Variants in POU6F2 observed in about 807,000 individuals in gnomAD.
The protein encoded by POU6F2 is POU class 6 homeobox 2.
POU6F2 carries 31 observed loss-of-function variants against 71.3 expected under a neutral mutation model. The ratio of observed to expected loss-of-function variants is 0.43; its 90% confidence interval spans 0.33 to 0.59. POU6F2 has a LOEUF of 0.59. Ranked by LOEUF, POU6F2 falls within the 20% of genes least tolerant of loss-of-function variation. The pLI, the probability that POU6F2 is intolerant of heterozygous loss-of-function variation, is 0.04. For synonymous variants in POU6F2, 347 were observed against 355.7 expected, an observed-to-expected ratio of 0.98 and a Z score of 0.27; for missense variants, 783 against 856.8, an observed-to-expected ratio of 0.91 and a Z score of 1.07.
intron 7 of POU6F2, among the ~76,000 whole-genome samples, chr7:39,446,484 A>G (rs965318954): frequency 6.6e-6 from 1 of 152,246 alleles, no homozygotes; most frequent in African/African-American, 2.4e-5. Flanking sequence ...TTTAATTAGA[A>G]GATGATTTAT....
At chr7:39,360,709 G>A (rs1786367613) in intron 5 of POU6F2, among the ~76,000 whole-genome samples, 1 of 152,154 alleles carries the variant, frequency 6.6e-6, no homozygotes, top group Non-Finnish European at 1.5e-5. Flanking sequence ...GAGCCCCGAG[G>A]GCTGCTGGTT....
At chr7:39,121,633 T>A (rs1792044297) in intron 2 of POU6F2, among the ~76,000 whole-genome samples, 1 of 152,234 alleles carries the variant, frequency 6.6e-6, no homozygotes, top group African/African-American at 2.4e-5. Flanking sequence ...AATTTGTATA[T>A]CTACCTAGGA....
intron 3 of POU6F2, among the ~76,000 whole-genome samples, chr7:39,204,959 A>T (rs1391837005): frequency 7.0e-6 from 1 of 142,600 alleles, no homozygotes; most frequent in Admixed American, 7.3e-5. Context: ...TTCAGAGTTC[A>T]TCCTGCTTTT....
intron 2 of POU6F2, among the ~76,000 whole-genome samples, chr7:39,180,182 G>A (rs1793409726): frequency 6.6e-6 from 1 of 152,120 alleles, no homozygotes; most frequent in African/African-American, 2.4e-5. Context: ...AGAGACAGAA[G>A]CAAATACGCC....
intron 1 of POU6F2, 174 bp from the exon 2 acceptor site, chr7:39,085,686 C>T (rs369729075): frequency 1.6e-6 from 1 of 637,922 alleles, no homozygotes. Context: ...TAGCTCTTCA[C>T]TTGACTGCAG....
chr7:39,185,923 A>G (rs1414105353), intron 2 of POU6F2, among the ~76,000 whole-genome samples: 1 of 148,576 alleles, frequency 6.7e-6, no homozygotes, highest in Non-Finnish European at 1.5e-5. Flanking sequence ...ATGTATATGT[A>G]TATTTGAGAT....
chr7:39,333,117 C>T (rs1373864549), intron 4 of POU6F2, among the ~76,000 whole-genome samples: 1 of 152,156 alleles, frequency 6.6e-6, no homozygotes, highest in East Asian at 1.9e-4. Flanking sequence ...CCCCCGCCCC[C>T]AACACTTTGC....
intron 4 of POU6F2, among the ~76,000 whole-genome samples, chr7:39,274,213 G>A (rs1784392801): frequency 6.6e-6 from 1 of 151,888 alleles, no homozygotes; most frequent in South Asian, 2.1e-4. Context: ...AATGATAAAG[G>A]GGATATCACC....
At chr7:39,304,984 C>T (rs1785023226) in intron 4 of POU6F2, among the ~76,000 whole-genome samples, 3 of 152,214 alleles carry the variant, frequency 2.0e-5, no homozygotes, top group Non-Finnish European at 2.9e-5. Context: ...TACCTTCAGG[C>T]TAATGCCTGC....
intron 1 of POU6F2, among the ~76,000 whole-genome samples, chr7:39,022,085 T>C (rs1412014203): frequency 6.6e-6 from 1 of 152,088 alleles, no homozygotes; most frequent in Non-Finnish European, 1.5e-5. Flanking sequence ...TGTGACTTTC[T>C]TTGGCTCAGG....
chr7:39,365,179 A>G (rs929055882), intron 5 of POU6F2, among the ~76,000 whole-genome samples: 2 of 152,228 alleles, frequency 1.3e-5, no homozygotes, highest in Non-Finnish European at 2.9e-5. Flanking sequence ...TACTGGTATA[A>G]AAACAGGCAC....
chr7:39,077,410 C>G (rs943036556), intron 1 of POU6F2, among the ~76,000 whole-genome samples: 1 of 152,216 alleles, frequency 6.6e-6, no homozygotes, highest in Non-Finnish European at 1.5e-5. Flanking sequence ...CTGGCAAACT[C>G]CTGTCTGATT....
At chr7:39,181,366 G>A (rs962064663) in intron 2 of POU6F2, among the ~76,000 whole-genome samples, 2 of 152,056 alleles carry the variant, frequency 1.3e-5, no homozygotes, top group Non-Finnish European at 2.9e-5. Flanking sequence ...CTGTGGATAC[G>A]TACTCTCATT....
chr7:39,333,824 C>T (rs182402713), intron 4 of POU6F2, among the ~76,000 whole-genome samples: 52 of 152,278 alleles, frequency 3.4e-4, no homozygotes, highest in Non-Finnish European at 5.1e-4. Flanking sequence ...AGGGAAAAGT[C>T]GCACCCTCCC....
At chr7:39,107,039 CT>C (rs70977458) in intron 2 of POU6F2, among the ~76,000 whole-genome samples, 36,195 of 130,654 alleles carry the variant, frequency 0.28, 3,279 homozygotes, top group East Asian at 0.5. Flanking sequence ...TTCTTTCTTT[CT>C]TTTTTTTTTT....
chr7:39,274,112 T>C (rs963575290), intron 4 of POU6F2, among the ~76,000 whole-genome samples: 1 of 152,110 alleles, frequency 6.6e-6, no homozygotes, highest in Non-Finnish European at 1.5e-5. Flanking sequence ...AACATTTAAT[T>C]TGAACCAGTC....
In POU6F2 at chr7:39,468,541, A is replaced by C. The variant is rs1358880543; in HGVS notation, c.*3855A>C. The C allele has an allele frequency of 6.6e-6, 1 of 152,168 alleles. No individual in the cohort carries two copies. Among genetic ancestry groups the C allele is most frequent in the Non-Finnish European group, 1.5e-5 (1 of 68,016 alleles). 9.4% of individuals were successfully genotyped at this position (152,168 alleles called of 1,614,324 possible). On this transcript the variant is annotated 3_prime_UTR_variant, in exon 10 of 10. Coordinates refer to ENST00000518318, the MANE Select transcript of POU6F2 (RefSeq NM_001370959.1). Reference sequence around the variant, plus strand: ...AAAGCTGCACTTTGTGTATTTCTTAACAGCTTCAGATCTGTCACTTTTAAT... The same window carrying C: ...AAAGCTGCACTTTGTGTATTTCTTACCAGCTTCAGATCTGTCACTTTTAAT...
chr7:39,408,769 A>C (rs981139237), intron 6 of POU6F2, among the ~76,000 whole-genome samples: 6 of 152,218 alleles, frequency 3.9e-5, no homozygotes, highest in African/African-American at 1.4e-4. Flanking sequence ...GAGTTAAAAT[A>C]CTCAAACTTC....
intron 2 of POU6F2, among the ~76,000 whole-genome samples, chr7:39,167,361 T>A (rs1212485155): frequency 6.6e-6 from 1 of 152,208 alleles, no homozygotes; most frequent in African/African-American, 2.4e-5. Context: ...TATCCTAGTA[T>A]CCCATGTTAG....
Sources: gnomAD v4.1 joint callset for allele counts (sites outside exome capture counted in the v4.1 genomes callset) on GRCh38, gnomAD v4.1.1 for gene constraint, MANE v1.5 for transcripts, NCBI Gene and HGNC (gene_info 2026-07-23, HGNC 2026-07-21) for gene names.